RGL1: variants seen among roughly 807,000 people sequenced by gnomAD.
RGL1 encodes the protein ral guanine nucleotide dissociation stimulator like 1, also known as ral guanine nucleotide dissociation stimulator-like 1.
In RGL1, 24 loss-of-function variants were observed where a neutral mutation model predicts 95.2. That is an observed-to-expected ratio of 0.25 (90% CI 0.18 to 0.35). The LOEUF is 0.35. Ranked by LOEUF, RGL1 falls within the 10% of genes least tolerant of loss-of-function variation. The pLI is 1.00. For missense variants in RGL1, 715 were observed against 936.3 expected (o/e 0.76, Z 3.08); for synonymous variants, 329 against 344.9 (o/e 0.95, Z 0.51).
chr1:183,882,712 C>T (rs1666893066), intron 5 of RGL1, among the ~76,000 whole-genome samples: 1 of 152,162 alleles, frequency 6.6e-6, no homozygotes, highest in Non-Finnish European at 1.5e-5. Context: ...GGCAGATAAC[C>T]ACATGCTGCC....
intron 3 of RGL1, among the ~76,000 whole-genome samples, chr1:183,862,727 C>T (rs528952081): frequency 1.3e-5 from 2 of 152,148 alleles, no homozygotes; most frequent in East Asian, 1.9e-4. Flanking sequence ...TCCATTACTG[C>T]GTCTGCTTCT....
chr1:183,777,203 A>C (rs1659649328), intron 2 of RGL1, among the ~76,000 whole-genome samples: 1 of 152,328 alleles, frequency 6.6e-6, no homozygotes, highest in South Asian at 2.1e-4. Flanking sequence ...CTAACTTGTA[A>C]GTACATAAGC....
At chr1:183,654,291 G>C (rs1440897021) in intron 1 of RGL1, among the ~76,000 whole-genome samples, 1 of 152,122 alleles carries the variant, frequency 6.6e-6, no homozygotes, top group Non-Finnish European at 1.5e-5. Flanking sequence ...TCTGGCACAT[G>C]GTCACTGCTG....
At chr1:183,666,750 T>C (rs1458005402) in intron 1 of RGL1, among the ~76,000 whole-genome samples, 1 of 152,232 alleles carries the variant, frequency 6.6e-6, no homozygotes, top group Non-Finnish European at 1.5e-5. Flanking sequence ...TTTACATCTG[T>C]GAAGGTATGT....
chr1:183,663,636 C>A (rs1293406884), intron 1 of RGL1, among the ~76,000 whole-genome samples: 7 of 151,904 alleles, frequency 4.6e-5, no homozygotes, highest in South Asian at 2.1e-4. Context: ...TAGTTCAACC[C>A]TTGTGGAAGT....
chr1:183,781,402 A>G (rs898957296), intron 2 of RGL1, among the ~76,000 whole-genome samples: 4 of 152,124 alleles, frequency 2.6e-5, no homozygotes, highest in African/African-American at 9.7e-5. Flanking sequence ...GCTATTGAAA[A>G]CACTAACTTA....
chr1:183,843,827 T>TG (rs914121346), intron 2 of RGL1, among the ~76,000 whole-genome samples: 1 of 151,796 alleles, frequency 6.6e-6, no homozygotes, highest in Non-Finnish European at 1.5e-5. Flanking sequence ...TCATGTTTTT[T>TG]TTTGTTTGTT....
chr1:183,693,047 G>A (rs1036632154), intron 1 of RGL1, among the ~76,000 whole-genome samples: 8 of 151,312 alleles, frequency 5.3e-5, no homozygotes, highest in Admixed American at 2.0e-4. Flanking sequence ...CTCTGCCTCC[G>A]AGGTTCAAGC....
intron 2 of RGL1, among the ~76,000 whole-genome samples, chr1:183,837,284 G>A (rs1160180792): frequency 1.3e-5 from 2 of 152,138 alleles, no homozygotes; most frequent in Non-Finnish European, 2.9e-5. Context: ...AGAATATTAG[G>A]TCACACAGAA....
intron 1 of RGL1, among the ~76,000 whole-genome samples, chr1:183,698,056 C>G (rs573588710): frequency 6.6e-6 from 1 of 152,326 alleles, no homozygotes; most frequent in African/African-American, 2.4e-5. Context: ...TGATTCCATC[C>G]TAGTGTGTGA....
intron 4 of RGL1, among the ~76,000 whole-genome samples, chr1:183,877,981 C>T (rs958007043): frequency 4.2e-4 from 64 of 152,172 alleles, no homozygotes; most frequent in African/African-American, 1.5e-3. Flanking sequence ...CAAGGATGCA[C>T]ATATTTTGTA....
At chr1:183,709,679 T>C (rs1236375949) in intron 1 of RGL1, 1 of 215,352 alleles carries the variant, frequency 4.6e-6, no homozygotes, top group African/African-American at 2.3e-5. Flanking sequence ...CGGAAAGCAA[T>C]GGCTAGTGAT....
intron 1 of RGL1, chr1:183,647,226 T>C (rs889679853): frequency 6.5e-6 from 1 of 153,956 alleles, no homozygotes; most frequent in African/African-American, 2.4e-5. Context: ...TGATTAACAA[T>C]TAATAGAAAA....
At chr1:183,897,997 C>T in intron 10 of RGL1, 100 bp downstream of exon 10, 2 of 931,830 alleles carry the variant, frequency 2.1e-6, no homozygotes, top group South Asian at 1.5e-5. Context: ...AACAGGGCAC[C>T]CAGGCTTTCA....
In RGL1 at chr1:183,731,255, A is replaced by G. The variant is rs1454256527; in HGVS notation, c.-32-10871A>G. Among the ~76,000 whole-genome samples the G allele has an allele frequency of 4.6e-5, 7 of 152,306 alleles. No homozygotes were observed. In the East Asian group the frequency reaches 1.3e-3, roughly 29 times the overall value. On this transcript the variant is annotated intron_variant, in intron 1 of 18. Transcript: ENST00000304685. ...AAAATAACTAGACTTACAGGTTACC[A>G]TATTTCTGTGGCAAAAATTTACATA...
intron 2 of RGL1, among the ~76,000 whole-genome samples, chr1:183,844,406 A>G (rs1022426995): frequency 1.3e-4 from 20 of 152,218 alleles, no homozygotes; most frequent in African/African-American, 4.3e-4. Context: ...TGCATTCTGA[A>G]GTTCTGCAAG....
intron 3 of RGL1, among the ~76,000 whole-genome samples, chr1:183,850,783 T>TA (rs984026714): frequency 6.6e-6 from 1 of 152,168 alleles, no homozygotes; most frequent in Non-Finnish European, 1.5e-5. Flanking sequence ...TTCATGTTTA[T>TA]AAAAAAATGC....
chr1:183,860,297 C>T lies in RGL1; in HGVS notation c.348-5699C>T, dbSNP rs55816489. The stretch of plus-strand genomic sequence containing the variant: ...TGGTAGAAGAGGGTGTGTATTAATT[C>T]ATTGAGCAAATATTTATTGTCTACT... On this transcript the variant is annotated intron_variant, in intron 3 of 17. Transcript: ENST00000360851. 7.9e-3 allele frequency among the ~76,000 whole-genome samples: 1,207 copies of T among 152,252 alleles called. 12 individuals carry two copies. The highest frequency in any genetic ancestry group is 0.013 in the Non-Finnish European group (865 of 68,022).
At chr1:183,648,530 A>G (rs1558132501) in intron 1 of RGL1, 1 of 1,614,216 alleles carries the variant, frequency 6.2e-7, no homozygotes, top group Non-Finnish European at 8.5e-7. Context: ...TGCAACTGCT[A>G]GCATGGCCCT....
Sources: gnomAD v4.1 joint callset for allele counts (sites outside exome capture counted in the v4.1 genomes callset) on GRCh38, gnomAD v4.1.1 for gene constraint, MANE v1.5 for transcripts, NCBI Gene and HGNC (gene_info 2026-07-23, HGNC 2026-07-21) for gene names.